The following ALDH1A3 variants were observed in gnomAD, a reference collection of about 807,000 sequenced individuals.
ALDH1A3 encodes aldehyde dehydrogenase 1 family member A3.
A neutral mutation model predicts 57.5 loss-of-function variants in ALDH1A3; 28 were observed. The observed-to-expected ratio is 0.49, with a 90% confidence interval of 0.36 to 0.67. The LOEUF is 0.67. Among genes scored for constraint, ALDH1A3 ranks in the 30% least tolerant of loss-of-function variants. The pLI is 0.00. For missense variants in ALDH1A3, 507 were observed against 669.4 expected (o/e 0.76, Z 2.68); for synonymous variants, 281 against 264.8 (o/e 1.06, Z -0.59).
intron 7 of ALDH1A3, among the ~76,000 whole-genome samples, chr15:100,897,044 A>G (rs2041711541): frequency 6.6e-6 from 1 of 152,122 alleles, no homozygotes; most frequent in Non-Finnish European, 1.5e-5. Flanking sequence ...TTTTAATGAG[A>G]AAGTATTTCT....
Position 100,887,642 on chromosome 15 carries a change from A to G in ALDH1A3, c.275A>G (p.Asp92Gly), listed in dbSNP as rs1351802284. 1 of 1,612,126 alleles carries G rather than the reference A, an allele frequency of 6.2e-7. No homozygotes were observed. Among genetic ancestry groups the G allele is most frequent in the Non-Finnish European group, 8.5e-7 (1 of 1,179,162 alleles). The change falls in exon 3 of 13, where the codon GAT becomes GGT. Residue 92 changes from aspartate to glycine, a missense_variant. Around this residue, in one of 2 missense-constraint regions of ALDH1A3, gnomAD observed 432 missense variants for 608.4 expected, o/e 0.71. Transcript: ENST00000329841. This position sits in a 1 kb window ranked among gnomAD's most constrained non-coding sequence, Gnocchi z 4.6. ...AGGGGCTCGCCATGGCGCCGGCTGG[A>G]TGCCCTGAGTCGTGGGCGGCTGCTG... ...FQRGSPWRRL[D>G]ALSRGRLLHQ...
At chr15:100,884,628 T>C (rs1311524549) in intron 1 of ALDH1A3, among the ~76,000 whole-genome samples, 1 of 151,226 alleles carries the variant, frequency 6.6e-6, no homozygotes, top group African/African-American at 2.4e-5. Context: ...ATGTGCAGGA[T>C]GTGCAGGTCT....
Position 100,882,341 on chromosome 15 carries a change from A to C in ALDH1A3, c.99+2335A>C, listed in dbSNP as rs549518672. 1.0e-3 allele frequency among the ~76,000 whole-genome samples: 158 copies of C among 152,318 alleles called. 2 individuals are homozygous for C. The highest frequency in any genetic ancestry group is 3.5e-3 in the African/African-American group (146 of 41,572). On this transcript the variant is annotated intron_variant, in intron 1 of 12. Transcript: ENST00000329841. ...GAGCCCCTCCAGGGTCCCCACACAG[A>C]TCTCAGAGGATAGAAGTCCCTTCTA...
chr15:100,880,057 A>G, intron 1 of ALDH1A3, 51 bp downstream of exon 1: 1 of 1,313,550 alleles, frequency 7.6e-7, no homozygotes, highest in Non-Finnish European at 9.9e-7. Flanking sequence ...TGCGCTGGGC[A>G]GCCAGACTCG....
intron 6 of ALDH1A3, 102 bp from the exon 7 acceptor site, chr15:100,895,831 C>A: frequency 9.8e-7 from 1 of 1,024,342 alleles, no homozygotes; most frequent in Non-Finnish European, 1.5e-6. Context: ...GGCCCGGGTT[C>A]CCTGTGGGGA....
chr15:100,891,045 G>A (rs530055458), intron 3 of ALDH1A3, among the ~76,000 whole-genome samples: 79 of 152,222 alleles, frequency 5.2e-4, no homozygotes, highest in African/African-American at 1.9e-3. Context: ...GCGCTGTCTG[G>A]GTCCCCAGGT....
intron 7 of ALDH1A3, among the ~76,000 whole-genome samples, chr15:100,897,833 A>G (rs1480067391): frequency 1.3e-5 from 2 of 152,216 alleles, no homozygotes; most frequent in Non-Finnish European, 2.9e-5. Flanking sequence ...GGGCTTCCAG[A>G]GGCTCTAACT....
chr15:100,886,977 C>A (rs932642988), intron 2 of ALDH1A3, among the ~76,000 whole-genome samples: 5 of 152,200 alleles, frequency 3.3e-5, no homozygotes. Context: ...ACAGCAGGCT[C>A]GTGTGCGTTC....
At chr15:100,899,508 G>A (rs959214910) in intron 8 of ALDH1A3, among the ~76,000 whole-genome samples, 2 of 152,164 alleles carry the variant, frequency 1.3e-5, no homozygotes, top group African/African-American at 4.8e-5. Flanking sequence ...CATCAGGGCG[G>A]TGCCAGTCCA....
Position 100,895,559 on chromosome 15 carries a change from C to T in ALDH1A3, c.667-374C>T, listed in dbSNP as rs559603908. ...GATCAAGGTACCCCTCTCCCCTTAA[C>T]GCATACACACACTCTCCCTCACACA... On this transcript the variant is annotated intron_variant, in intron 6 of 12. Transcript: ENST00000329841. 12 of 234,174 alleles carry T rather than the reference C, an allele frequency of 5.1e-5. No individual in the cohort carries two copies. The South Asian group carries it at 8.9e-4, about 17-fold the overall frequency. The allele number at this position is 234,174 out of a possible 1,614,324, so 14.5% of individuals were successfully genotyped here. A position where few individuals can be genotyped will look rare whatever the true frequency, so the allele number is the denominator to read the frequency against.
chr15:100,891,461 C>T (rs1449376505), intron 3 of ALDH1A3, among the ~76,000 whole-genome samples: 1 of 152,264 alleles, frequency 6.6e-6, no homozygotes, highest in Non-Finnish European at 1.5e-5. Context: ...AGGCCAGTCG[C>T]TGTGCTGGCC....
chr15:100,897,629 C>T (rs1363017820), intron 7 of ALDH1A3, among the ~76,000 whole-genome samples: 1 of 152,260 alleles, frequency 6.6e-6, no homozygotes, highest in Non-Finnish European at 1.5e-5. Context: ...TCCCTCAGAT[C>T]ACACCAAAGA....
Position 100,893,254 on chromosome 15 carries a change from G to A in ALDH1A3, c.537+248G>A. 1 of 401,690 alleles carries A rather than the reference G, an allele frequency of 2.5e-6. No homozygotes were observed. The highest frequency in any genetic ancestry group is 4.4e-6 in the Non-Finnish European group (1 of 226,514). The allele number at this position is 401,690 out of a possible 1,614,324, so 24.9% of individuals were successfully genotyped here. On this transcript the variant is annotated intron_variant, in intron 5 of 12. Transcript: ENST00000329841. This position sits in a 1 kb window ranked among gnomAD's most constrained non-coding sequence, Gnocchi z 4.8. ...GTTCCCAGCCAGAGTGGTCAGGAAT[G>A]GCCAGCATTCCCAGGAAGGTGGTCT...
At chr15:100,907,839 TCTTTC>T in intron 11 of ALDH1A3, among the ~76,000 whole-genome samples, 2 of 99,996 alleles carry the variant, frequency 2.0e-5, no homozygotes, top group African/African-American at 3.5e-5. Context: ...TTTCTTTCTT[TCTTTC>T]TTTTTTTTTT....
At chr15:100,905,080 A>G (rs1174786703) in intron 9 of ALDH1A3, among the ~76,000 whole-genome samples, 2 of 152,190 alleles carry the variant, frequency 1.3e-5, no homozygotes, top group Non-Finnish European at 2.9e-5. Context: ...TATCCCAAAT[A>G]TTGTTTTGGG....
intron 9 of ALDH1A3, among the ~76,000 whole-genome samples, chr15:100,904,972 G>A (rs567706820): frequency 5.3e-5 from 8 of 152,232 alleles, no homozygotes; most frequent in East Asian, 3.9e-4. Context: ...CCTGATTCAC[G>A]GTGCCAACTG....
At chr15:100,909,766 C>T (rs574266056) in intron 12 of ALDH1A3, among the ~76,000 whole-genome samples, 25 of 152,312 alleles carry the variant, frequency 1.6e-4, no homozygotes, top group Non-Finnish European at 2.9e-4. Flanking sequence ...GGTTTCCAGC[C>T]GGACACTGTC....
intron 9 of ALDH1A3, among the ~76,000 whole-genome samples, chr15:100,902,622 G>T (rs562014711): frequency 6.6e-6 from 1 of 152,220 alleles, no homozygotes; most frequent in African/African-American, 2.4e-5. Context: ...AGCGTCCTCC[G>T]GGCAGAGAGC....
chr15:100,909,983 C>T (rs1180758956), intron 12 of ALDH1A3, among the ~76,000 whole-genome samples: 6 of 152,236 alleles, frequency 3.9e-5, no homozygotes, highest in African/African-American at 7.2e-5. Context: ...CAGACTCAAA[C>T]GCTTCCCCTC....
Sources: allele counts gnomAD v4.1 joint callset (sites outside exome capture counted in the v4.1 genomes callset), GRCh38; gene constraint gnomAD v4.1.1; regional missense constraint gnomAD v4.1.1; non-coding constraint Gnocchi (gnomAD v3.1); transcripts MANE v1.5; gene names NCBI Gene and HGNC (gene_info 2026-07-23, HGNC 2026-07-21).